NOTCH3: variants seen among roughly 807,000 people sequenced by gnomAD.
NOTCH3 encodes neurogenic locus notch homolog protein 3.
Under a neutral mutation model 213.3 loss-of-function variants are expected in NOTCH3, and 86 were observed. The ratio of observed to expected loss-of-function variants is 0.40; its 90% CI spans 0.34 to 0.48. NOTCH3 has a LOEUF of 0.48. Ranked by LOEUF, NOTCH3 falls within the 20% of genes least tolerant of loss-of-function variation. The pLI is 0.57. For missense variants in NOTCH3, 2,783 were observed against 3,272.6 expected (o/e 0.85, Z 3.65); for synonymous variants, 1,354 against 1,355.9 (o/e 1.00, Z 0.03).
Position 15,181,790 on chromosome 19 carries a change from T to C in NOTCH3, c.2578A>G (p.Asn860Asp). ...ACGCCGTCTTGGCACGAGCCACCGT[T>C]CAGGCATGGGTCTGCGGACAGGAGG... The part of the protein sequence containing the change: ...INDCDPNPCL[N>D]GGSCQDGVGS... Residue 860 changes from asparagine to aspartate, a missense_variant, in exon 17 of 33, where the codon AAC becomes GAC. Asn to Asp is a conservative substitution (Grantham distance 23). Coordinates refer to ENST00000263388, the MANE Select transcript of NOTCH3 (RefSeq NM_000435.3). 1 of 1,559,060 alleles carries C rather than the reference T, an allele frequency of 6.4e-7. No individual in the cohort carries two copies. Among genetic ancestry groups the C allele is most frequent in the Non-Finnish European group, 8.7e-7 (1 of 1,151,304 alleles).
In NOTCH3 at chr19:15,177,939, G is replaced by T; in HGVS notation, c.3989C>A (p.Ser1330Ter). 7.7e-7 allele frequency: 1 copy of T among 1,297,540 alleles called. No homozygotes were observed. Among genetic ancestry groups the T allele is most frequent in the South Asian group, 2.3e-5 (1 of 43,768 alleles). The allele number at this position is 1,297,540 out of a possible 1,614,324, so 80.4% of individuals were successfully genotyped here. The change falls in exon 24 of 33, where the codon TCG becomes TAG. Residue 1330 changes from serine to a stop codon, truncating the protein, a stop_gained. Transcript: ENST00000263388. LOFTEE classifies it high-confidence loss of function. ...SGPSCRSFPG[S>*]PPGASNASCA... ...GCTGGCGTTGCTGGCCCCCGGCGGC[G>T]ACCCCGGGAAGCTGCGGCAGGAGGG...
chr19:15,192,426 C>T lies in NOTCH3; in HGVS notation c.291G>A (p.Val97=), dbSNP rs2145443261. The T allele has an allele frequency of 6.2e-7, 1 of 1,612,898 alleles. No individual in the cohort carries two copies. Among genetic ancestry groups the T allele is most frequent in the Non-Finnish European group, 8.5e-7 (1 of 1,179,986 alleles). The change falls in exon 3 of 33, where the codon GTG becomes GTA. Residue 97 remains valine, a synonymous_variant. Transcript: ENST00000263388. ...ATGAGAATCGGGCGGTGCCAGCCAC[C>T]ACTGAACTCTGGCAGACACCACGGC... ...CAGRGVCQSS[V]VAGTARFSCR...
At chr19:15,172,714 G>A (rs1830452795) in intron 25 of NOTCH3, among the ~76,000 whole-genome samples, 1 of 146,096 alleles carries the variant, frequency 6.8e-6, no homozygotes, top group African/African-American at 2.6e-5. Context: ...TGCCCCGGCT[G>A]GAGTGCAGTA....
chr19:15,170,201 G>T, intron 27 of NOTCH3, 31 bp from the exon 28 acceptor site: 1 of 1,546,126 alleles, frequency 6.5e-7, no homozygotes. Context: ...GGGATGTGAG[G>T]GGGACACTAG....
At chr19:15,173,075 T>C (rs866753349) in intron 25 of NOTCH3, among the ~76,000 whole-genome samples, 10,456 of 18,498 alleles carry the variant, frequency 0.57, 4,170 homozygotes, top group Non-Finnish European at 0.71. Flanking sequence ...CTTCTTCTTC[T>C]TCTTCTTCTT....
rs972565503 is a variant in NOTCH3 at position 15,178,915 on chromosome 19, G to C, written c.3745C>G (p.Pro1249Ala). Residue 1249 changes from proline to alanine, a missense_variant, in exon 23 of 33, where the codon CCC becomes GCC. Pro to Ala is a conservative substitution (Grantham distance 27). This residue lies in a region of NOTCH3 where 861 missense variants were observed against 909.1 expected (regional missense o/e 0.95). Transcript: ENST00000263388. ...TGCTGGCATGGCTGGGACTCGCAGG[G>C]AGACAGGACAGTCTGACAGCGAGGA... ...SGPRCQTVLS[P>A]CESQPCQHGG... 6.2e-7 allele frequency: 1 copy of C among 1,613,552 alleles called. No homozygotes were observed. Among genetic ancestry groups the C allele is most frequent in the African/African-American group, 1.3e-5 (1 of 74,922 alleles).
In NOTCH3 at chr19:15,160,684, G is replaced by A. The variant is rs746397891; in HGVS notation, c.6944C>T (p.Pro2315Leu). ...GTCTCAGGCCAACACTTGCCTCTTG[G>A]GGGTAACTTCCGGCTGGGGCCCCAG... ...TQLGPQPEVT[P>L]KRQVLA The change falls in exon 33 of 33, where the codon CCC (proline) becomes CTC (leucine). Residue 2315 changes from proline to leucine, a missense_variant. By Grantham distance (98) the Pro-to-Leu change is moderately conservative (BLOSUM62 -3). Around this residue, in one of 6 missense-constraint regions of NOTCH3, gnomAD observed 441 missense variants for 432.1 expected, o/e 1.02. Transcript: ENST00000263388. The A allele has an allele frequency of 2.5e-6, 4 of 1,614,136 alleles. No individual in the cohort carries two copies. The highest frequency in any genetic ancestry group is 2.5e-6 in the Non-Finnish European group (3 of 1,179,982).
At chr19:15,172,328 T>C (rs1375590382) in intron 25 of NOTCH3, among the ~76,000 whole-genome samples, 1 of 152,218 alleles carries the variant, frequency 6.6e-6, no homozygotes, top group Admixed American at 6.5e-5. Flanking sequence ...AACACTTTTA[T>C]ATCTTTCTTG....
Position 15,165,246 on chromosome 19 carries a change from TG to T in NOTCH3, c.5815+121del. ...ATGACCCTGCAGGCTTCATGAAGCC[TG>T]GTTATGTGTGCGTGAGCTTCAGTGA... On this transcript the variant is annotated intron_variant, in intron 31 of 32. Transcript: ENST00000263388. The surrounding 1 kb of genome is among the most constrained non-coding windows in gnomAD (Gnocchi z 4.7). 9.6e-7 allele frequency: 1 copy of T among 1,042,210 alleles called. No homozygotes were observed. The allele number at this position is 1,042,210 out of a possible 1,614,324, so 64.6% of individuals were successfully genotyped here.
Position 15,165,590 on chromosome 19 carries a change from G to A in NOTCH3, c.5668-75C>T. The A allele has an allele frequency of 6.5e-7, 1 of 1,532,692 alleles. No homozygotes were observed. The highest frequency in any genetic ancestry group is 8.8e-7 in the Non-Finnish European group (1 of 1,134,362). The allele number at this position is 1,532,692 out of a possible 1,614,324, so 94.9% of individuals were successfully genotyped here. Reference sequence around the variant, plus strand: ...AATCAGGAGCACCCCTAAGTCCCATGAAGTCCCCAACCCCCATACCCCAAC... The same window carrying A: ...AATCAGGAGCACCCCTAAGTCCCATAAAGTCCCCAACCCCCATACCCCAAC... On this transcript the variant is annotated intron_variant, in intron 30 of 32. Coordinates refer to ENST00000263388, the MANE Select transcript of NOTCH3 (RefSeq NM_000435.3). The surrounding 1 kb of genome is among the most constrained non-coding windows in gnomAD (Gnocchi z 4.7).
rs563910199 is a variant in NOTCH3 at position 15,174,298 on chromosome 19, G to A, written c.4506C>T (p.Ser1502=). The A allele has an allele frequency of 3.9e-6, 6 of 1,557,032 alleles. No individual in the cohort carries two copies. The South Asian group carries it at 4.7e-5, about 12-fold the overall frequency. The change falls in exon 25 of 33, where the codon AGC becomes AGT. Residue 1502 remains serine (S), a synonymous_variant. Coordinates refer to ENST00000263388, the MANE Select transcript of NOTCH3 (RefSeq NM_000435.3). ...ECGWDGLDCA[S]EVPALLARGV... ...CGCGGGCCAGCAGGGCCGGCACCTC[G>A]CTGGCACAATCCAGCCCATCCCAGC... is the stretch of plus-strand genomic sequence containing the variant.
At position 15,170,524 on chromosome 19, in the gene NOTCH3, C is replaced by T; in HGVS notation, c.4921G>A (p.Val1641Ile). The T allele has an allele frequency of 6.2e-7, 1 of 1,610,138 alleles. No individual in the cohort carries two copies. The highest frequency in any genetic ancestry group is 1.1e-5 in the South Asian group (1 of 91,076). ...GCCACTAGCAGTGGCAGCAGCGGGA[C>T]GCTGGGTTCTGGAGGCTCCAGCGGC... Reference protein sequence around the residue: ...GEPLEPPEPSVPLLPLLVAGA... With the variant: ...GEPLEPPEPSIPLLPLLVAGA... The change falls in exon 27 of 33, where the codon GTC becomes ATC. Residue 1641 changes from valine to isoleucine, a missense_variant. Val to Ile is a conservative substitution (Grantham distance 29). Coordinates refer to ENST00000263388, the MANE Select transcript of NOTCH3 (RefSeq NM_000435.3).
chr19:15,190,784 G>A (rs1258260506), intron 6 of NOTCH3, among the ~76,000 whole-genome samples: 37 of 152,206 alleles, frequency 2.4e-4, no homozygotes, highest in Non-Finnish European at 2.9e-5. Context: ...ATAGGGTTTT[G>A]CCATGTTGCC....
At chr19:15,199,407 G>T (rs1362254913) in intron 1 of NOTCH3, among the ~76,000 whole-genome samples, 1 of 152,200 alleles carries the variant, frequency 6.6e-6, no homozygotes, top group Non-Finnish European at 1.5e-5. Context: ...GTGCACCGCT[G>T]TGTCTGTGTA....
In NOTCH3 at chr19:15,181,792, A is replaced by G; in HGVS notation, c.2576T>C (p.Leu859Pro). 1 of 1,558,522 alleles carries G rather than the reference A, an allele frequency of 6.4e-7. No homozygotes were observed. The highest frequency in any genetic ancestry group is 8.7e-7 in the Non-Finnish European group (1 of 1,151,002). ...GCCGTCTTGGCACGAGCCACCGTTC[A>G]GGCATGGGTCTGCGGACAGGAGGAA... Reference protein sequence around the residue: ...DINDCDPNPCLNGGSCQDGVG... With the variant: ...DINDCDPNPCPNGGSCQDGVG... The change falls in exon 17 of 33, where the codon CTG (leucine) becomes CCG (proline). Residue 859 changes from leucine (L) to proline (P), a missense_variant. Physicochemically the swap from Leu to Pro is moderately conservative, Grantham distance 98 (BLOSUM62 -3). Coordinates refer to ENST00000263388, the MANE Select transcript of NOTCH3 (RefSeq NM_000435.3).
rs1275069380 is a variant in NOTCH3, at chr19:15,187,885, G to C, written c.1602C>G (p.Ala534=). 4 of 1,548,516 alleles carry C rather than the reference G, an allele frequency of 2.6e-6. No homozygotes were observed. The highest frequency in any genetic ancestry group is 4.9e-5 in the East Asian group (2 of 40,884). The change falls in exon 10 of 33, where the codon GCC becomes GCG. Residue 534 remains alanine (A), a synonymous_variant. Transcript: ENST00000263388. ...DQPDGYECRC[A]EGFEGTLCDR... ...ACTGTCATTGGCCCGCCTCACCCTC[G>C]GCACAGCGGCACTCGTAGCCATCGG...
In NOTCH3 at chr19:15,185,171, CAT is replaced by C; in HGVS notation, c.2296+84_2296+85del. The C allele has an allele frequency of 6.5e-7, 1 of 1,540,150 alleles. No individual in the cohort carries two copies. Among genetic ancestry groups the C allele is most frequent in the Non-Finnish European group, 8.9e-7 (1 of 1,118,198 alleles). On this transcript the variant is annotated intron_variant, in intron 14 of 32. Transcript: ENST00000263388. This position sits in a 1 kb window ranked among gnomAD's most constrained non-coding sequence, Gnocchi z 4.2. ...TGATTGAAAGCAAAAAAGAAGCTAACATAGCGGGAGGAGAGAGTAGAGGAGAA... is the reference window on the plus strand; with the variant it reads ...TGATTGAAAGCAAAAAAGAAGCTAACAGCGGGAGGAGAGAGTAGAGGAGAA...
chr19:15,167,469 C>T, intron 28 of NOTCH3, 58 bp from the exon 29 acceptor site: 5 of 1,553,730 alleles, frequency 3.2e-6, no homozygotes, highest in African/African-American at 1.4e-5. Context: ...GGGAGAGCCA[C>T]TGCCAGGGAT....
intron 23 of NOTCH3, chr19:15,178,327 G>GC: frequency 1.9e-6 from 1 of 525,822 alleles, no homozygotes; most frequent in Non-Finnish European, 3.4e-6. Context: ...AGGAGGCCAC[G>GC]CCCCCCAATC....
Sources: allele counts gnomAD v4.1 joint callset (sites outside exome capture counted in the v4.1 genomes callset), GRCh38; gene constraint gnomAD v4.1.1; regional missense constraint gnomAD v4.1.1; non-coding constraint Gnocchi (gnomAD v3.1); transcripts MANE v1.5; gene names NCBI Gene and HGNC (gene_info 2026-07-23, HGNC 2026-07-21).